The following GSG1L variants were observed in gnomAD, a reference collection of about 807,000 sequenced individuals.
The protein encoded by GSG1L is GSG1 like.
GSG1L carries 24 observed loss-of-function variants against 42.1 expected under a neutral mutation model. The ratio of observed to expected loss-of-function variants is 0.57; its 90% CI spans 0.41 to 0.80. The LOEUF (loss-of-function observed/expected upper bound fraction) is 0.80, where lower values mean the gene tolerates loss of function less well. GSG1L is among the 30% of genes least tolerant of loss of function. The pLI is 0.00. For missense variants in GSG1L, 445 were observed against 472.2 expected (o/e 0.94, Z 0.53); for synonymous variants, 215 against 203.5 (o/e 1.06, Z -0.48).
chr16:28,025,713 CG>C (rs1263211828), intron 1 of GSG1L, among the ~76,000 whole-genome samples: 1 of 152,170 alleles, frequency 6.6e-6, no homozygotes, highest in Non-Finnish European at 1.5e-5. Flanking sequence ...TGTGAAAGAG[CG>C]GGGACCCCAT....
At chr16:28,047,354 T>C (rs1171485883) in intron 1 of GSG1L, among the ~76,000 whole-genome samples, 1 of 151,782 alleles carries the variant, frequency 6.6e-6, no homozygotes, top group Non-Finnish European at 1.5e-5. Context: ...TTTAAAACAT[T>C]AGTAAAGAAA....
intron 1 of GSG1L, among the ~76,000 whole-genome samples, chr16:28,008,547 C>T (rs1230286168): frequency 6.6e-6 from 1 of 152,192 alleles, no homozygotes; most frequent in Non-Finnish European, 1.5e-5. Flanking sequence ...CTCCTCATGG[C>T]CTCCCTGCCT....
chr16:28,054,343 G>A (rs2086255835), intron 1 of GSG1L, among the ~76,000 whole-genome samples: 1 of 152,152 alleles, frequency 6.6e-6, no homozygotes, highest in Admixed American at 6.5e-5. Context: ...GGCAAGCTTG[G>A]GGCCAAGTCC....
intron 6 of GSG1L, among the ~76,000 whole-genome samples, chr16:27,799,368 TA>T (rs2082857056): frequency 6.6e-6 from 1 of 151,986 alleles, no homozygotes; most frequent in Non-Finnish European, 1.5e-5. Context: ...ACTCCATCTC[TA>T]CAAAAAAAAT....
At chr16:27,904,394 T>A (rs1224666929) in intron 2 of GSG1L, among the ~76,000 whole-genome samples, 1 of 152,116 alleles carries the variant, frequency 6.6e-6, no homozygotes, top group Non-Finnish European at 1.5e-5. Context: ...TAAATGTCAC[T>A]TCTCAGTGAT....
At chr16:27,967,511 G>C (rs1044928160) in intron 1 of GSG1L, among the ~76,000 whole-genome samples, 1 of 152,182 alleles carries the variant, frequency 6.6e-6, no homozygotes, top group African/African-American at 2.4e-5. Context: ...AGACAAAGAC[G>C]ATAAGGCCCA....
chr16:28,060,561 G>A (rs1456615895), intron 1 of GSG1L, among the ~76,000 whole-genome samples: 5 of 152,106 alleles, frequency 3.3e-5, no homozygotes, highest in Non-Finnish European at 5.9e-5. Context: ...CTGAGTTTTG[G>A]GAGTGAGGGT....
At chr16:27,991,220 G>A (rs1050214632) in intron 1 of GSG1L, among the ~76,000 whole-genome samples, 1 of 152,168 alleles carries the variant, frequency 6.6e-6, no homozygotes, top group Admixed American at 6.6e-5. Context: ...AATTTGGACT[G>A]AATGCTGAAT....
chr16:28,021,728 T>C (rs1417355412), intron 1 of GSG1L, among the ~76,000 whole-genome samples: 1 of 152,220 alleles, frequency 6.6e-6, no homozygotes, highest in African/African-American at 2.4e-5. Flanking sequence ...CTTTGGTGGG[T>C]ACCTTTCTAA....
At chr16:27,996,829 C>T (rs562414198) in intron 1 of GSG1L, among the ~76,000 whole-genome samples, 5 of 152,322 alleles carry the variant, frequency 3.3e-5, no homozygotes, top group East Asian at 3.9e-4. Context: ...GGCTCAATCT[C>T]GACTCACTGC....
intron 3 of GSG1L, among the ~76,000 whole-genome samples, chr16:27,873,232 C>T (rs957606238): frequency 6.6e-6 from 1 of 152,158 alleles, no homozygotes; most frequent in Non-Finnish European, 1.5e-5. Flanking sequence ...TTTTGCAACT[C>T]ATCTGGTCAC....
intron 2 of GSG1L, among the ~76,000 whole-genome samples, chr16:27,917,814 G>A (rs920571561): frequency 8.5e-5 from 13 of 152,140 alleles, no homozygotes; most frequent in South Asian, 2.1e-4. Flanking sequence ...ATCTGGCTTC[G>A]GGCACAGCTA....
chr16:27,973,760 C>T (rs566146759), intron 1 of GSG1L, among the ~76,000 whole-genome samples: 7 of 152,274 alleles, frequency 4.6e-5, no homozygotes, highest in Non-Finnish European at 8.8e-5. Context: ...AGATCACCAA[C>T]GCTGGTGTTT....
chr16:27,856,737 A>T (rs1265424894), intron 3 of GSG1L, among the ~76,000 whole-genome samples: 4 of 152,208 alleles, frequency 2.6e-5, no homozygotes, highest in Admixed American at 2.0e-4. Flanking sequence ...TTATGTTGTG[A>T]GAACAGTGAG....
intron 2 of GSG1L, among the ~76,000 whole-genome samples, chr16:27,919,871 T>A (rs750709782): frequency 1.3e-5 from 2 of 152,358 alleles, no homozygotes; most frequent in African/African-American, 2.4e-5. Flanking sequence ...TATCTTTCAA[T>A]GCTTATTTAT....
intron 2 of GSG1L, among the ~76,000 whole-genome samples, chr16:27,941,314 AAAAC>A (rs2084791730): frequency 6.6e-6 from 1 of 151,884 alleles, no homozygotes; most frequent in South Asian, 2.1e-4. Flanking sequence ...CACCAACAAA[AAAAC>A]AAACACTGTG....
intron 1 of GSG1L, among the ~76,000 whole-genome samples, chr16:28,006,518 A>C (rs920995706): frequency 1.3e-5 from 2 of 152,124 alleles, no homozygotes; most frequent in Admixed American, 1.3e-4. Flanking sequence ...CATGTTGGCC[A>C]GGCTGGTCTT....
rs1412818160 is a variant in GSG1L at position 27,792,982 on chromosome 16, A to G, written c.899-1515T>C. Among the ~76,000 whole-genome samples, 4 of 152,348 alleles carry G rather than the reference A, an allele frequency of 2.6e-5. No individual in the cohort carries two copies. The East Asian group carries it at 7.7e-4, about 29-fold the overall frequency. On this transcript the variant is annotated intron_variant, in intron 6 of 6. Transcript: ENST00000447459. The stretch of plus-strand genomic sequence containing the variant: ...ATTGAATTACTTTCCTCCTGATTCC[A>G]AATTTCAGCATTTAAAAAAATGTGA...
chr16:27,949,397 C>T (rs1423560901), intron 2 of GSG1L, among the ~76,000 whole-genome samples: 2 of 152,062 alleles, frequency 1.3e-5, no homozygotes, highest in Non-Finnish European at 2.9e-5. Flanking sequence ...GGCACACGGC[C>T]GAAATTGGGA....
Sources: gnomAD v4.1 joint callset for allele counts (sites outside exome capture counted in the v4.1 genomes callset) on GRCh38, gnomAD v4.1.1 for gene constraint, MANE v1.5 for transcripts, NCBI Gene and HGNC (gene_info 2026-07-23, HGNC 2026-07-21) for gene names.